SRPK1: variants seen among roughly 807,000 people sequenced by gnomAD.
The protein encoded by SRPK1 is SFRS protein kinase 1.
SRPK1 carries 52 observed loss-of-function variants against 89.5 expected under a neutral mutation model. That is an observed-to-expected ratio of 0.58 (90% CI 0.46 to 0.73). The LOEUF is 0.73. Among genes scored for constraint, SRPK1 ranks in the 30% least tolerant of loss-of-function variants. The pLI is 0.00. For synonymous variants in SRPK1, 255 were observed against 270.2 expected, an observed-to-expected ratio of 0.94 and a Z score of 0.55; for missense variants, 603 against 780.6, an observed-to-expected ratio of 0.77 and a Z score of 2.71.
chr6:35,883,226 T>C (rs1204177087), intron 6 of SRPK1, among the ~76,000 whole-genome samples: 1 of 151,970 alleles, frequency 6.6e-6, no homozygotes, highest in African/African-American at 2.4e-5. Context: ...CCGTCTCTGC[T>C]AAAAATACAA....
chr6:35,856,313 T>C (rs892210345), intron 13 of SRPK1, among the ~76,000 whole-genome samples: 3 of 151,784 alleles, frequency 2.0e-5, no homozygotes, highest in Non-Finnish European at 4.4e-5. Context: ...GCTCTCAGAC[T>C]TTCCCCTATG....
At chr6:35,860,743 T>A (rs978449862) in intron 12 of SRPK1, among the ~76,000 whole-genome samples, 2 of 151,844 alleles carry the variant, frequency 1.3e-5, no homozygotes, top group Admixed American at 1.3e-4. Flanking sequence ...TTGTGTTAAG[T>A]GTTGTGGAGA....
intron 2 of SRPK1, among the ~76,000 whole-genome samples, chr6:35,917,055 G>A (rs1035723427): frequency 6.7e-5 from 9 of 133,434 alleles, no homozygotes; most frequent in Non-Finnish European, 4.7e-5. Flanking sequence ...GTGAGACTCT[G>A]TCTCAAAAAA....
At chr6:35,875,384 T>A (rs544669434) in intron 6 of SRPK1, among the ~76,000 whole-genome samples, 2 of 152,058 alleles carry the variant, frequency 1.3e-5, no homozygotes, top group Non-Finnish European at 2.9e-5. Context: ...CTGGGCTAAT[T>A]TTTGTATTTT....
intron 8 of SRPK1, 101 bp from the exon 9 acceptor site, chr6:35,871,060 T>C (rs1476673328): frequency 1.1e-6 from 1 of 911,016 alleles, no homozygotes; most frequent in African/African-American, 1.7e-5. Flanking sequence ...GTCTTTCTTA[T>C]GTAGTCTACA....
chr6:35,842,745 A>C, intron 13 of SRPK1, 141 bp from the exon 14 acceptor site: 1 of 512,932 alleles, frequency 1.9e-6, no homozygotes, highest in Non-Finnish European at 3.3e-6. Context: ...AAAAAAACAA[A>C]AACTTAAGAT....
At chr6:35,885,296 CACAG>C (rs1176490553) in intron 6 of SRPK1, among the ~76,000 whole-genome samples, 181 of 123,864 alleles carry the variant, frequency 1.5e-3, no homozygotes, top group East Asian at 4.4e-3. Context: ...CACACACACA[CACAG>C]AGAGAGAGAG....
At chr6:35,912,607 T>C (rs375377722) in intron 2 of SRPK1, among the ~76,000 whole-genome samples, 2 of 152,154 alleles carry the variant, frequency 1.3e-5, no homozygotes, top group East Asian at 1.9e-4. Flanking sequence ...CGTGAACCCA[T>C]AGTATCTCCA....
intron 13 of SRPK1, among the ~76,000 whole-genome samples, chr6:35,850,539 A>C (rs546602921): frequency 2.2e-4 from 34 of 152,246 alleles, no homozygotes; most frequent in African/African-American, 7.7e-4. Context: ...ACATTCTACC[A>C]CTCACTTCCA....
Position 35,890,026 on chromosome 6 carries a change from T to C in SRPK1, c.193+869A>G, listed in dbSNP as rs1219977608. Among the ~76,000 whole-genome samples, 7 of 151,454 alleles carry C rather than the reference T, an allele frequency of 4.6e-5. No individual in the cohort carries two copies. In the East Asian group the frequency reaches 7.8e-4, roughly 17 times the overall value. On this transcript the variant is annotated intron_variant, in intron 3 of 15. Transcript: ENST00000373825. ...GGGAGGCTGAGGCAGGAGAATGGCATGAACCCGGGAGGCAGAGCTTGCAGT... is the reference window on the plus strand; with the variant it reads ...GGGAGGCTGAGGCAGGAGAATGGCACGAACCCGGGAGGCAGAGCTTGCAGT...
Position 35,869,037 on chromosome 6 carries a change from A to C in SRPK1, c.1485T>G (p.Ile495Met). The change falls in exon 12 of 16, where the codon ATT becomes ATG. Residue 495 changes from isoleucine to methionine, a missense_variant. Physicochemically the swap from Ile to Met is conservative, Grantham distance 10 (BLOSUM62 1). Coordinates refer to ENST00000373825, the MANE Select transcript of SRPK1 (RefSeq NM_003137.5). ...CCCAACAAGCATTTCCAAGGTCAGC[A>C]ATCTTCACCTTGAGCTTTTCTGCAT... ...PKNAEKLKVK[I>M]ADLGNACWVH... 1 of 1,614,094 alleles carries C rather than the reference A, an allele frequency of 6.2e-7. No individual in the cohort carries two copies. Among genetic ancestry groups the C allele is most frequent in the Admixed American group, 1.7e-5 (1 of 59,998 alleles).
At chr6:35,881,838 T>C (rs77347100) in intron 6 of SRPK1, among the ~76,000 whole-genome samples, 88 of 152,078 alleles carry the variant, frequency 5.8e-4, no homozygotes, top group Middle Eastern at 3.4e-3. Context: ...CAATAATGTA[T>C]AGAACAAGCA....
chr6:35,859,981 C>A (rs1245988341), intron 12 of SRPK1, among the ~76,000 whole-genome samples: 1 of 151,888 alleles, frequency 6.6e-6, no homozygotes, highest in African/African-American at 2.4e-5. Context: ...GCCTCTGCCT[C>A]CCAAGTAGCT....
intron 12 of SRPK1, among the ~76,000 whole-genome samples, chr6:35,862,651 T>C (rs1310931185): frequency 3.3e-5 from 5 of 152,018 alleles, no homozygotes; most frequent in African/African-American, 1.2e-4. Flanking sequence ...ACCACAACAA[T>C]TGTCCAGCAA....
At chr6:35,864,343 T>C (rs1769849201) in intron 12 of SRPK1, among the ~76,000 whole-genome samples, 1 of 131,984 alleles carries the variant, frequency 7.6e-6, no homozygotes, top group Admixed American at 7.5e-5. Context: ...AGCAACTCTA[T>C]AGGAAAAAAA....
chr6:35,868,967 C>T (rs377352729), intron 12 of SRPK1, 43 bp downstream of exon 12: 262 of 1,505,090 alleles, frequency 1.7e-4, no homozygotes, highest in Non-Finnish European at 2.0e-4. Context: ...CTCATTCATC[C>T]TCCCAGTCAC....
rs918602883 is a variant in SRPK1, at chr6:35,874,178, T to C, written c.585+55A>G. The C allele has an allele frequency of 6.4e-6, 9 of 1,405,932 alleles. No homozygotes were observed. The African/African-American group carries it at 7.1e-5, about 11-fold the overall frequency. 87.1% of individuals were successfully genotyped at this position (1,405,932 alleles called of 1,614,324 possible). A position where few individuals can be genotyped will look rare whatever the true frequency, so the allele number is the denominator to read the frequency against. On this transcript the variant is annotated intron_variant, in intron 7 of 15. Coordinates refer to ENST00000373825, the MANE Select transcript of SRPK1 (RefSeq NM_003137.5). ...ATAAAGTCCTGACACTTCAAGAATA[T>C]TAAAAAATCACTACATAGTCAAGAC...
At chr6:35,912,895 C>G (rs1561998606) in intron 2 of SRPK1, among the ~76,000 whole-genome samples, 1 of 152,190 alleles carries the variant, frequency 6.6e-6, no homozygotes, top group African/African-American at 2.4e-5. Flanking sequence ...GAGATCCTCT[C>G]ACCTCAGTCT....
intron 6 of SRPK1, among the ~76,000 whole-genome samples, chr6:35,876,635 C>T (rs1028270014): frequency 6.6e-6 from 1 of 152,054 alleles, no homozygotes; most frequent in African/African-American, 2.4e-5. Flanking sequence ...CAGTGACACC[C>T]CGTCACAAAA....
Sources: allele counts gnomAD v4.1 joint callset (sites outside exome capture counted in the v4.1 genomes callset), GRCh38; gene constraint gnomAD v4.1.1; transcripts MANE v1.5; gene names NCBI Gene and HGNC (gene_info 2026-07-23, HGNC 2026-07-21).